The following ST8SIA6 variants were observed in gnomAD, a reference collection of about 807,000 sequenced individuals.
The protein encoded by ST8SIA6 is alpha-2,8-sialyltransferase 8F.
ST8SIA6 carries 39 observed loss-of-function variants against 33.6 expected under a neutral mutation model. That is an observed-to-expected ratio of 1.16 (90% CI 0.90 to 1.52). ST8SIA6 has a LOEUF of 1.52. ST8SIA6 is among the 40% of genes most tolerant of loss of function. The pLI, the probability that ST8SIA6 is intolerant of heterozygous loss-of-function variation, is 0.00. For missense variants in ST8SIA6, 441 were observed against 443.8 expected (o/e 0.99, Z 0.06); for synonymous variants, 172 against 167.2 (o/e 1.03, Z -0.22).
At chr10:17,428,575 T>TC (rs1009647341) in intron 2 of ST8SIA6, among the ~76,000 whole-genome samples, 2 of 151,880 alleles carry the variant, frequency 1.3e-5, no homozygotes, top group Non-Finnish European at 2.9e-5. Flanking sequence ...TGGAAGGGCT[T>TC]CCCGAGGAAA....
chr10:17,454,537 T>G lies in ST8SIA6; in HGVS notation c.-282A>C, dbSNP rs996058901. On this transcript the variant is annotated 5_prime_UTR_variant, in exon 1 of 8. Transcript: ENST00000377602. The surrounding 1 kb of genome is among the most constrained non-coding windows in gnomAD (Gnocchi z 4.1). ...ATGACGATTCGCCGAGCTCGCCGCC[T>G]GTCCTCCCGGAGGCGCTCGGAGCTG... Among the ~76,000 whole-genome samples the G allele has an allele frequency of 6.6e-6, 1 of 151,960 alleles. No individual in the cohort carries two copies. Among genetic ancestry groups the G allele is most frequent in the South Asian group, 2.1e-4 (1 of 4,826 alleles).
chr10:17,317,530 A>G lies in ST8SIA6; in HGVS notation c.*3348T>C, dbSNP rs972534743. 1.3e-5 allele frequency among the ~76,000 whole-genome samples: 2 copies of G among 152,220 alleles called. No individual in the cohort carries two copies. Among genetic ancestry groups the G allele is most frequent in the African/African-American group, 4.8e-5 (2 of 41,456 alleles). On this transcript the variant is annotated 3_prime_UTR_variant, in exon 8 of 8. Coordinates refer to ENST00000377602, the MANE Select transcript of ST8SIA6 (RefSeq NM_001004470.3). ...ATAATGTGTTTCCATGTCATGTTAG[A>G]TAAATAAAATGTCTTGAAGATCACA...
chr10:17,389,703 A>C (rs189747066), intron 3 of ST8SIA6, among the ~76,000 whole-genome samples: 191 of 152,282 alleles, frequency 1.3e-3, no homozygotes, highest in African/African-American at 4.4e-3. Flanking sequence ...TGAAATTGTA[A>C]GCACAATTTT....
chr10:17,412,261 A>G (rs1415538417), intron 2 of ST8SIA6, among the ~76,000 whole-genome samples: 4 of 151,802 alleles, frequency 2.6e-5, no homozygotes, highest in Admixed American at 6.6e-5. Flanking sequence ...AGGCCCTCCA[A>G]CCTCCAGCCA....
chr10:17,336,255 C>A (rs546641176), intron 4 of ST8SIA6, among the ~76,000 whole-genome samples: 2 of 152,178 alleles, frequency 1.3e-5, no homozygotes, highest in South Asian at 4.2e-4. Flanking sequence ...CCGCACTGGG[C>A]CTTTTTCTTA....
chr10:17,323,353 G>A (rs1848024099), intron 6 of ST8SIA6, among the ~76,000 whole-genome samples, 196 bp from the exon 7 acceptor site: 1 of 136,800 alleles, frequency 7.3e-6, no homozygotes, highest in South Asian at 2.4e-4. Context: ...TAATTACTCA[G>A]TTCTTAGTTG....
intron 7 of ST8SIA6, 105 bp from the exon 8 acceptor site, chr10:17,321,451 T>C (rs1315632716): frequency 1.6e-5 from 14 of 872,466 alleles, no homozygotes; most frequent in Middle Eastern, 3.4e-4. Context: ...ACTGAACGAT[T>C]TGTATACTGT....
At chr10:17,411,524 T>C (rs1439110210) in intron 2 of ST8SIA6, among the ~76,000 whole-genome samples, 1 of 152,206 alleles carries the variant, frequency 6.6e-6, no homozygotes. Flanking sequence ...ATTAATCTTC[T>C]ATCTGCTTAT....
At chr10:17,344,360 A>C (rs1848768134) in intron 4 of ST8SIA6, among the ~76,000 whole-genome samples, 1 of 152,236 alleles carries the variant, frequency 6.6e-6, no homozygotes, top group Admixed American at 6.5e-5. Flanking sequence ...GAGGCCTCCC[A>C]GTCCTGGCAG....
At chr10:17,432,525 T>A (rs1339029076) in intron 2 of ST8SIA6, among the ~76,000 whole-genome samples, 1 of 152,222 alleles carries the variant, frequency 6.6e-6, no homozygotes, top group Non-Finnish European at 1.5e-5. Context: ...GCTAAAAACA[T>A]GCTAGCAGGA....
intron 7 of ST8SIA6, among the ~76,000 whole-genome samples, chr10:17,322,509 C>T (rs11254532): frequency 0.23 from 34,294 of 151,940 alleles, 4,107 homozygotes; most frequent in Middle Eastern, 0.34. Flanking sequence ...ACTATTAGCA[C>T]GAACATATTC....
At chr10:17,358,742 G>T (rs1849286376) in intron 4 of ST8SIA6, among the ~76,000 whole-genome samples, 1 of 89,912 alleles carries the variant, frequency 1.1e-5, no homozygotes, top group Non-Finnish European at 2.4e-5. Context: ...AGAGGAAAAA[G>T]GAGGAGGAGG....
At chr10:17,366,619 C>G (rs1356092690) in intron 3 of ST8SIA6, among the ~76,000 whole-genome samples, 7 of 152,016 alleles carry the variant, frequency 4.6e-5, no homozygotes, top group Non-Finnish European at 8.8e-5. Context: ...GTAGCAAAAG[C>G]TATAGATTGG....
chr10:17,320,116 A>G lies in ST8SIA6; in HGVS notation c.*762T>C, dbSNP rs140750742. On this transcript the variant is annotated 3_prime_UTR_variant, in exon 8 of 8. Transcript: ENST00000377602. ...AAAATAAAATTGAGTGAGTGACCCC[A>G]CAGGCAAGACAACAGGTAAGAAAGA... is the stretch of plus-strand genomic sequence containing the variant. The G allele has an allele frequency of 3.3e-5, 5 of 152,302 alleles. No individual in the cohort carries two copies. The East Asian group carries it at 9.6e-4, about 29-fold the overall frequency. 9.4% of individuals were successfully genotyped at this position (152,302 alleles called of 1,614,324 possible).
chr10:17,442,021 G>A (rs917349757), intron 2 of ST8SIA6, among the ~76,000 whole-genome samples: 3 of 151,814 alleles, frequency 2.0e-5, no homozygotes, highest in Non-Finnish European at 2.9e-5. Flanking sequence ...GGTGCCTGCC[G>A]CCACGCCTGG....
chr10:17,375,916 T>C (rs191760344), intron 3 of ST8SIA6, among the ~76,000 whole-genome samples: 1 of 152,250 alleles, frequency 6.6e-6, no homozygotes, highest in East Asian at 1.9e-4. Flanking sequence ...CTATAATCAA[T>C]AGAATGATCA....
intron 2 of ST8SIA6, among the ~76,000 whole-genome samples, chr10:17,405,900 AAAG>A (rs946036684): frequency 4.0e-5 from 6 of 151,798 alleles, no homozygotes; most frequent in African/African-American, 1.2e-4. Flanking sequence ...AAAAAAAAAA[AAAG>A]AAGAAAGTTA....
At chr10:17,331,933 A>G (rs1848315508) in intron 4 of ST8SIA6, among the ~76,000 whole-genome samples, 3 of 152,114 alleles carry the variant, frequency 2.0e-5, no homozygotes, top group Non-Finnish European at 2.9e-5. Flanking sequence ...ATTTGTCCCA[A>G]TGCTCTCCCT....
In ST8SIA6 at chr10:17,359,535, G is replaced by A. The variant is rs778963987; in HGVS notation, c.356C>T (p.Ala119Val). The change falls in exon 4 of 8, where the codon GCA becomes GTA. Residue 119 changes from alanine (A) to valine (V), a missense_variant. Physicochemically the swap from Ala to Val is moderately conservative, Grantham distance 64. Transcript: ENST00000377602. ...TTACCTAAAATTTGCATATTCTTCT[G>A]CTTGCCGTTTCCATGGACAACTCTG... ...DIQSCPWKRQ[A>V]EEYANFRAKL... The A allele has an allele frequency of 8.1e-6, 13 of 1,604,134 alleles. No homozygotes were observed. The highest frequency in any genetic ancestry group is 1.0e-5 in the Non-Finnish European group (12 of 1,176,006).
Sources: allele counts gnomAD v4.1 joint callset (sites outside exome capture counted in the v4.1 genomes callset), GRCh38; gene constraint gnomAD v4.1.1; non-coding constraint Gnocchi (gnomAD v3.1); transcripts MANE v1.5; gene names NCBI Gene and HGNC (gene_info 2026-07-23, HGNC 2026-07-21).